Variants in EYS observed in about 807,000 individuals in gnomAD.
The protein encoded by EYS is EGF-like photoreceptor maintenance factor.
A neutral mutation model predicts 282.1 loss-of-function variants in EYS; 250 were observed. The ratio of observed to expected loss-of-function variants is 0.89; its 90% confidence interval spans 0.80 to 0.98. The LOEUF is 0.98. Ranked by LOEUF, EYS falls within the 50% of genes least tolerant of loss-of-function variation. EYS has a pLI of 0.00. For synonymous variants in EYS, 1,355 were observed against 1,282.9 expected, an observed-to-expected ratio of 1.06 and a Z score of -1.20; for missense variants, 4,016 against 3,709.0, an observed-to-expected ratio of 1.08 and a Z score of -2.15.
intron 12 of EYS, among the ~76,000 whole-genome samples, chr6:65,083,559 T>C (rs1774283417): frequency 6.6e-6 from 1 of 151,926 alleles, no homozygotes; most frequent in South Asian, 2.1e-4. Context: ...TAAAATAAAA[T>C]ACATAACTGA....
chr6:65,090,164 A>G (rs909589073), intron 12 of EYS, among the ~76,000 whole-genome samples: 2 of 152,100 alleles, frequency 1.3e-5, no homozygotes, highest in South Asian at 2.1e-4. Flanking sequence ...TGTAATACCC[A>G]TAATCCCCAG....
intron 1 of EYS, among the ~76,000 whole-genome samples, chr6:65,676,814 A>G (rs1323511809): frequency 6.6e-6 from 1 of 151,792 alleles, no homozygotes; most frequent in African/African-American, 2.4e-5. Context: ...GAAATTTCCT[A>G]GCAAACCAAA....
At chr6:64,974,112 C>A (rs1770394506) in intron 14 of EYS, among the ~76,000 whole-genome samples, 4 of 151,790 alleles carry the variant, frequency 2.6e-5, no homozygotes, top group African/African-American at 9.7e-5. Context: ...AAAGTAATTT[C>A]TTAAAATCAT....
At chr6:65,581,280 T>G (rs559863475) in intron 2 of EYS, among the ~76,000 whole-genome samples, 1 of 152,166 alleles carries the variant, frequency 6.6e-6, no homozygotes, top group Non-Finnish European at 1.5e-5. Context: ...ATTTTACAAA[T>G]ATATGATTTA....
In EYS at chr6:64,081,921, T is replaced by C. The variant is rs1426659267; in HGVS notation, c.6506A>G (p.His2169Arg). The change falls in exon 32 of 43, where the codon CAT becomes CGT. Residue 2169 changes from histidine to arginine, a missense_variant. Physicochemically the swap from His to Arg is conservative, Grantham distance 29 (BLOSUM62 0). Coordinates refer to ENST00000503581, the MANE Select transcript of EYS (RefSeq NM_001142800.2). ...CAAGTAGATGGTAACAGTTCTGTTA[T>C]GTTCCTTCTCCAGGACAAACTTCAA... ...PFLKFVLEKE[H>R]NRTVTIYLTI... is the part of the protein sequence containing the mutation. The C allele has an allele frequency of 1.9e-6, 3 of 1,543,270 alleles. No homozygotes were observed. Among genetic ancestry groups the C allele is most frequent in the African/African-American group, 1.4e-5 (1 of 72,966 alleles).
chr6:64,411,804 C>T (rs995297808), intron 28 of EYS, among the ~76,000 whole-genome samples: 11 of 131,302 alleles, frequency 8.4e-5, no homozygotes, highest in African/African-American at 2.2e-4. Context: ...GCTATGATTA[C>T]GAGTGTATAT....
chr6:64,256,855 A>G (rs1767419378), intron 30 of EYS, among the ~76,000 whole-genome samples: 1 of 152,030 alleles, frequency 6.6e-6, no homozygotes, highest in Non-Finnish European at 1.5e-5. Flanking sequence ...AGATAATGAG[A>G]GCTATGCAAA....
At chr6:64,090,308 T>C (rs1356035099) in intron 31 of EYS, among the ~76,000 whole-genome samples, 4 of 152,202 alleles carry the variant, frequency 2.6e-5, no homozygotes, top group Non-Finnish European at 5.9e-5. Flanking sequence ...CAGATTTTAA[T>C]CTTTAACATA....
At chr6:63,792,957 C>T (rs1299142249) in intron 37 of EYS, among the ~76,000 whole-genome samples, 1 of 152,202 alleles carries the variant, frequency 6.6e-6, no homozygotes, top group Admixed American at 6.5e-5. Context: ...TGCTCTTTCA[C>T]ATGTAAGGCT....
intron 22 of EYS, among the ~76,000 whole-genome samples, chr6:64,642,423 A>G (rs544146648): frequency 2.6e-5 from 4 of 152,180 alleles, no homozygotes; most frequent in Admixed American, 6.5e-5. Flanking sequence ...GGTTATATAC[A>G]CATATTTTCC....
At chr6:65,054,300 A>C (rs1773353961) in intron 13 of EYS, among the ~76,000 whole-genome samples, 1 of 151,966 alleles carries the variant, frequency 6.6e-6, no homozygotes, top group South Asian at 2.1e-4. Flanking sequence ...CTGGTCTGTG[A>C]ACATCTTTTC....
intron 2 of EYS, among the ~76,000 whole-genome samples, chr6:65,625,093 T>C (rs1766648210): frequency 6.6e-6 from 1 of 152,060 alleles, no homozygotes. Context: ...AGGGGGCTGT[T>C]ATACAGGGAA....
At chr6:64,691,669 A>T (rs1450244508) in intron 22 of EYS, among the ~76,000 whole-genome samples, 3 of 152,060 alleles carry the variant, frequency 2.0e-5, no homozygotes, top group African/African-American at 7.2e-5. Context: ...ATCCTCTAGT[A>T]ACCTACAGTG....
At chr6:65,577,534 T>C (rs1389629946) in intron 2 of EYS, among the ~76,000 whole-genome samples, 3 of 151,720 alleles carry the variant, frequency 2.0e-5, no homozygotes, top group Non-Finnish European at 3.0e-5. Context: ...TTTTTGGATA[T>C]AACCCCAAAG....
intron 22 of EYS, among the ~76,000 whole-genome samples, chr6:64,662,238 TGGGGGGA>T (rs1769057656): frequency 2.0e-5 from 1 of 51,184 alleles, no homozygotes; most frequent in Admixed American, 3.3e-4. Flanking sequence ...TGTTGTGGGG[TGGGGGGA>T]GGGGGGAGGG....
chr6:64,534,787 T>C (rs1355901261), intron 26 of EYS, among the ~76,000 whole-genome samples: 4 of 150,732 alleles, frequency 2.7e-5, no homozygotes, highest in Non-Finnish European at 5.9e-5. Flanking sequence ...CTGAGGAATT[T>C]AACACCATCT....
intron 36 of EYS, among the ~76,000 whole-genome samples, chr6:63,823,763 T>C (rs1210607697): frequency 1.3e-5 from 2 of 152,196 alleles, no homozygotes; most frequent in South Asian, 4.1e-4. Flanking sequence ...GTACTTCTTA[T>C]ATTTTTATCT....
In EYS at chr6:64,398,590, A is replaced by C. The variant is rs1278091758; in HGVS notation, c.5928-9750T>G. On this transcript the variant is annotated intron_variant, in intron 28 of 42. Transcript: ENST00000503581. ...CATACCACAAATATACAGACATCCA[A>C]ACACATTTATCCAGGTTTATAATAC... is the stretch of plus-strand genomic sequence containing the variant. 5.9e-5 allele frequency among the ~76,000 whole-genome samples: 9 copies of C among 152,026 alleles called. No homozygotes were observed. The East Asian group carries it at 1.7e-3, about 29-fold the overall frequency.
intron 15 of EYS, among the ~76,000 whole-genome samples, chr6:64,935,600 T>A (rs1253446521): frequency 6.6e-6 from 1 of 151,448 alleles, no homozygotes; most frequent in Non-Finnish European, 1.5e-5. Flanking sequence ...AAGACCCAGA[T>A]TACAAGAATC....
Sources: allele counts gnomAD v4.1 joint callset (sites outside exome capture counted in the v4.1 genomes callset), GRCh38; gene constraint gnomAD v4.1.1; transcripts MANE v1.5; gene names NCBI Gene and HGNC (gene_info 2026-07-23, HGNC 2026-07-21).